The following LIN54 variants were observed in gnomAD, a reference collection of about 807,000 sequenced individuals.
LIN54 encodes the protein protein lin-54 homolog.
In LIN54, 9 loss-of-function variants were observed where a neutral mutation model predicts 78.7. That is an observed-to-expected ratio of 0.11 (90% CI 0.07 to 0.20). LIN54 has a LOEUF of 0.20. Among genes scored for constraint, LIN54 ranks in the 10% least tolerant of loss-of-function variants. The probability of loss-of-function intolerance (pLI) is 1.00; values close to 1 mark genes in which losing one functional copy is unlikely to be tolerated. For missense variants in LIN54, 573 were observed against 889.9 expected (o/e 0.64, Z 4.53); for synonymous variants, 269 against 318.4 (o/e 0.84, Z 1.65).
intron 1 of LIN54, among the ~76,000 whole-genome samples, chr4:83,005,621 T>C (rs1393116998): frequency 7.3e-6 from 1 of 137,126 alleles, no homozygotes; most frequent in Non-Finnish European, 1.6e-5. Context: ...CAAGACTCCA[T>C]CTCAGAAAAA....
At chr4:82,986,379 AGTGCTGGGATTATAG>A (rs1242777918) in intron 1 of LIN54, among the ~76,000 whole-genome samples, 1 of 152,126 alleles carries the variant, frequency 6.6e-6, no homozygotes, top group African/African-American at 2.4e-5. Context: ...GGCCTCCCAA[AGTGCTGGGATTATAG>A]GTGTGAGCCA....
At chr4:83,006,066 G>C (rs1361546688) in intron 1 of LIN54, among the ~76,000 whole-genome samples, 1 of 152,146 alleles carries the variant, frequency 6.6e-6, no homozygotes, top group African/African-American at 2.4e-5. Flanking sequence ...TCACTTATAA[G>C]TGGGAGCTAA....
intron 2 of LIN54, among the ~76,000 whole-genome samples, chr4:82,982,718 CAAGA>C (rs1305755398): frequency 6.6e-6 from 1 of 152,028 alleles, no homozygotes; most frequent in African/African-American, 2.4e-5. Context: ...TAATAATGAA[CAAGA>C]AAGAGCACTA....
At chr4:83,006,394 A>G (rs1055733088) in intron 1 of LIN54, among the ~76,000 whole-genome samples, 6 of 151,100 alleles carry the variant, frequency 4.0e-5, no homozygotes, top group Non-Finnish European at 5.9e-5. Context: ...AGTTGCAGTG[A>G]GCCAAGATTG....
intron 4 of LIN54, among the ~76,000 whole-genome samples, chr4:82,954,003 A>T (rs1724070743): frequency 6.6e-6 from 1 of 152,214 alleles, no homozygotes; most frequent in Admixed American, 6.5e-5. Flanking sequence ...CATTTCATAA[A>T]GTTAAAAAAA....
intron 4 of LIN54, among the ~76,000 whole-genome samples, chr4:82,954,441 G>A (rs944855985): frequency 8.1e-5 from 6 of 74,244 alleles, no homozygotes; most frequent in East Asian, 3.7e-4. Context: ...TTTTTAAGAC[G>A]GAGTCTCACT....
chr4:82,991,662 G>A (rs983465733), intron 1 of LIN54, among the ~76,000 whole-genome samples: 23 of 152,076 alleles, frequency 1.5e-4, no homozygotes, highest in African/African-American at 9.7e-5. Context: ...GAAAGTTTAC[G>A]TCTTTCCCAA....
At chr4:83,010,166 A>G (rs1270340475) in intron 1 of LIN54, among the ~76,000 whole-genome samples, 1 of 152,164 alleles carries the variant, frequency 6.6e-6, no homozygotes, top group African/African-American at 2.4e-5. Flanking sequence ...CCCTAAAGAA[A>G]CGTACAACCC....
At chr4:82,972,880 C>T (rs529227432) in intron 3 of LIN54, among the ~76,000 whole-genome samples, 4 of 145,982 alleles carry the variant, frequency 2.7e-5, no homozygotes, top group South Asian at 2.1e-4. Flanking sequence ...ACTCGGGAGG[C>T]AGAGGTTGCA....
At chr4:82,989,890 C>A (rs970884680) in intron 1 of LIN54, among the ~76,000 whole-genome samples, 1 of 152,208 alleles carries the variant, frequency 6.6e-6, no homozygotes, top group Admixed American at 6.5e-5. Flanking sequence ...CTCCTTAACT[C>A]AGCAGCTATA....
chr4:82,974,886 T>C (rs1726033717), intron 3 of LIN54, among the ~76,000 whole-genome samples: 2 of 148,230 alleles, frequency 1.3e-5, no homozygotes, highest in African/African-American at 2.5e-5. Context: ...AAAACGTAGA[T>C]ACAAAAGTGG....
chr4:82,979,512 A>G (rs1010986377), intron 2 of LIN54, among the ~76,000 whole-genome samples: 1 of 152,212 alleles, frequency 6.6e-6, no homozygotes, highest in Non-Finnish European at 1.5e-5. Context: ...GGAGTAGATT[A>G]AGGGAGAACT....
intron 4 of LIN54, among the ~76,000 whole-genome samples, chr4:82,955,624 A>C (rs1724250867): frequency 6.6e-6 from 1 of 152,102 alleles, no homozygotes; most frequent in South Asian, 2.1e-4. Context: ...CTAGGTATTT[A>C]ATAACATTAA....
intron 11 of LIN54, among the ~76,000 whole-genome samples, chr4:82,934,853 T>C (rs6825298): frequency 0.98 from 149,223 of 152,334 alleles, 73,170 homozygotes; most frequent in East Asian, 1. Context: ...AAACCAATTA[T>C]GGTAATCTAG....
intron 5 of LIN54, 77 bp from the exon 6 acceptor site, chr4:82,940,039 C>G: frequency 1.0e-6 from 1 of 969,360 alleles, no homozygotes; most frequent in Non-Finnish European, 1.6e-6. Flanking sequence ...ATACTTAGCT[C>G]TCCCAAGTTA....
chr4:82,991,751 G>A (rs747421672), intron 1 of LIN54, among the ~76,000 whole-genome samples: 3 of 151,952 alleles, frequency 2.0e-5, no homozygotes, highest in African/African-American at 4.8e-5. Flanking sequence ...TGAGAAAATC[G>A]TATGGCTTTT....
At chr4:82,970,908 T>G (rs1283054547) in intron 3 of LIN54, among the ~76,000 whole-genome samples, 1 of 152,052 alleles carries the variant, frequency 6.6e-6, no homozygotes, top group Non-Finnish European at 1.5e-5. Context: ...ATAAAACAGA[T>G]AGTTATTGGA....
At chr4:82,962,343 G>C (rs1055634330) in intron 4 of LIN54, among the ~76,000 whole-genome samples, 2 of 152,200 alleles carry the variant, frequency 1.3e-5, no homozygotes, top group South Asian at 4.1e-4. Flanking sequence ...CACTGACCTG[G>C]ATTCACTCTT....
In LIN54 at chr4:82,926,481, A is replaced by C. The variant is rs960764266; in HGVS notation, c.*1621T>G. The C allele has an allele frequency of 2.0e-5, 3 of 152,560 alleles. No homozygotes were observed. Among genetic ancestry groups the C allele is most frequent in the Admixed American group, 6.5e-5 (1 of 15,268 alleles). 9.5% of individuals were successfully genotyped at this position (152,560 alleles called of 1,614,324 possible). On this transcript the variant is annotated 3_prime_UTR_variant, in exon 13 of 13. Coordinates refer to ENST00000340417, the MANE Select transcript of LIN54 (RefSeq NM_194282.4). Reference sequence around the variant, plus strand: ...TGCCTATATCTTGCATGTTCATATGAACATATATACACACTTAATACATAC... The same window carrying C: ...TGCCTATATCTTGCATGTTCATATGCACATATATACACACTTAATACATAC...
Sources: allele counts gnomAD v4.1 joint callset (sites outside exome capture counted in the v4.1 genomes callset), GRCh38; gene constraint gnomAD v4.1.1; transcripts MANE v1.5; gene names NCBI Gene and HGNC (gene_info 2026-07-23, HGNC 2026-07-21).